The following PATL2 variants were observed in gnomAD, a reference collection of about 807,000 sequenced individuals.
PATL2 encodes the protein protein PAT1 homolog 2.
In PATL2, 73 loss-of-function variants were observed where a neutral mutation model predicts 77.0. The observed-to-expected ratio is 0.95, with a 90% CI of 0.78 to 1.15. PATL2 has a LOEUF of 1.15. Among genes scored for constraint, PATL2 ranks in the 50% most tolerant of loss-of-function variants. The probability of loss-of-function intolerance (pLI) is 0.00; values close to 1 mark genes in which losing one functional copy is unlikely to be tolerated. For synonymous variants in PATL2, 265 were observed against 257.1 expected (o/e 1.03, Z -0.29); for missense variants, 618 against 655.4 (o/e 0.94, Z 0.62).
intron 3 of PATL2, among the ~76,000 whole-genome samples, chr15:44,687,896 AAG>A (rs1456852539): frequency 1.3e-5 from 2 of 152,204 alleles, no homozygotes; most frequent in African/African-American, 4.8e-5. Context: ...TCAAGGAAAT[AAG>A]AGAGGACACA....
chr15:44,698,550 T>C (rs2086560768), intron 3 of PATL2, among the ~76,000 whole-genome samples: 1 of 152,090 alleles, frequency 6.6e-6, no homozygotes, highest in Admixed American at 6.6e-5. Flanking sequence ...TCCATATTGC[T>C]GCAAATGACA....
intron 5 of PATL2, 40 bp from the exon 6 acceptor site, chr15:44,674,270 C>T (rs2085839780): frequency 7.1e-7 from 1 of 1,415,278 alleles, no homozygotes; most frequent in Non-Finnish European, 9.7e-7. Flanking sequence ...CAAATGGGCC[C>T]CTGTAGTGTC....
At chr15:44,676,886 T>C (rs2141216243) in intron 3 of PATL2, 1 of 1,075,416 alleles carries the variant, frequency 9.3e-7, no homozygotes, top group Non-Finnish European at 1.1e-6. Flanking sequence ...TTGCTGTCCT[T>C]TCTGTTTAAG....
At position 44,674,238 on chromosome 15, in the gene PATL2, A is replaced by G. The variant is rs1347423267; in HGVS notation, c.223-8T>C. On this transcript the variant is annotated splice_region_variant and splice_polypyrimidine_tract_variant and intron_variant, in intron 5 of 17. Coordinates refer to ENST00000682850, the MANE Select transcript of PATL2 (RefSeq NM_001387263.1). ...GGAGCTAAGCAGAGCTCTCTGGAAC[A>G]GGAGGGAGGAAAAACCAGGCTCAAA... 1 of 1,535,368 alleles carries G rather than the reference A, an allele frequency of 6.5e-7. No homozygotes were observed. The highest frequency in any genetic ancestry group is 2.5e-5 in the East Asian group (1 of 40,672).
chr15:44,693,324 C>CT (rs1164732049), intron 3 of PATL2, among the ~76,000 whole-genome samples: 5 of 152,206 alleles, frequency 3.3e-5, no homozygotes, highest in Non-Finnish European at 7.3e-5. Context: ...AGAAGCACTC[C>CT]TTTCTGGAGA....
chr15:44,694,187 T>C (rs2086455481), intron 3 of PATL2, among the ~76,000 whole-genome samples: 1 of 152,230 alleles, frequency 6.6e-6, no homozygotes, highest in African/African-American at 2.4e-5. Context: ...CTGCCTGTCA[T>C]GGCCTGGCTT....
intron 9 of PATL2, 21 bp downstream of exon 9, chr15:44,671,994 G>A (rs940840836): frequency 9.0e-6 from 14 of 1,551,306 alleles, no homozygotes; most frequent in Non-Finnish European, 1.2e-5. Context: ...CAGAGGCTGG[G>A]CTGAGTACTG....
In PATL2 at chr15:44,703,015, C is replaced by T. The variant is rs549377806; in HGVS notation, c.-76+7081G>A. ...ATCTGGCCAGGCACGGTGGCTCATG[C>T]CTGTAACTCCAGCACTTTGGGAGGC... On this transcript the variant is annotated intron_variant, in intron 3 of 17. Coordinates refer to ENST00000682850, the MANE Select transcript of PATL2 (RefSeq NM_001387263.1). 2.0e-5 allele frequency among the ~76,000 whole-genome samples: 3 copies of T among 152,184 alleles called. No individual in the cohort carries two copies. In the East Asian group the frequency reaches 5.8e-4, roughly 29 times the overall value.
At position 44,673,339 on chromosome 15, in the gene PATL2, T is replaced by G. The variant is rs772243895; in HGVS notation, c.342A>C (p.Thr114=). Residue 114 remains threonine (T), a synonymous_variant, in exon 7 of 18, where the codon ACA becomes ACC. Transcript: ENST00000682850. ...DYLSPIPFWP[T]FPSTSSPAQH... is the part of the protein sequence containing the mutation. ...GTGCTGGAGAGCTGGTGCTGGGAAA[T>G]GTAGGCCAGAAAGGGATGGGCGACA... The G allele has an allele frequency of 1.9e-6, 3 of 1,551,402 alleles. No individual in the cohort carries two copies. The highest frequency in any genetic ancestry group is 1.7e-4 in the Middle Eastern group (1 of 6,014).
chr15:44,676,821 C>T (rs2085982565), intron 3 of PATL2: 1 of 1,147,028 alleles, frequency 8.7e-7, no homozygotes, highest in Non-Finnish European at 1.1e-6. Context: ...ACCGACATCA[C>T]CAGTCACCGT....
Position 44,668,275 on chromosome 15 carries a change from A to G in PATL2, c.1365+67T>C, listed in dbSNP as rs995765394. ...TGTGTAGAGATGAGACTGTCCCCCA[A>G]CTTACCCCTTATCAGTGATACCAAC... On this transcript the variant is annotated intron_variant, in intron 15 of 17. Transcript: ENST00000682850. 4 of 1,489,778 alleles carry G rather than the reference A, an allele frequency of 2.7e-6. No homozygotes were observed. The African/African-American group carries it at 5.6e-5, about 21-fold the overall frequency. The allele number at this position is 1,489,778 out of a possible 1,614,324, so 92.3% of individuals were successfully genotyped here. A position where few individuals can be genotyped will look rare whatever the true frequency, so the allele number is the denominator to read the frequency against.
In PATL2 at chr15:44,673,227, A is replaced by C. The variant is rs1159754270; in HGVS notation, c.446+8T>G. ...CTGAGACCTCTGGGGAGAACCTCAA[A>C]CCAGTACCTGAACCTAGGGGGCCAC... is the stretch of plus-strand genomic sequence containing the variant. On this transcript the variant is annotated splice_region_variant and intron_variant, in intron 7 of 17. Coordinates refer to ENST00000682850, the MANE Select transcript of PATL2 (RefSeq NM_001387263.1). The C allele has an allele frequency of 1.9e-6, 3 of 1,550,866 alleles. No homozygotes were observed. In the South Asian group the frequency reaches 3.6e-5, roughly 18 times the overall value.
intron 3 of PATL2, among the ~76,000 whole-genome samples, chr15:44,679,521 C>A (rs759119045): frequency 6.7e-6 from 1 of 150,222 alleles, no homozygotes; most frequent in African/African-American, 2.4e-5. Flanking sequence ...AGCCACCGTG[C>A]CTGGCCAATT....
intron 3 of PATL2, among the ~76,000 whole-genome samples, chr15:44,704,939 G>A (rs1246123442): frequency 6.6e-6 from 1 of 152,028 alleles, no homozygotes; most frequent in African/African-American, 2.4e-5. Flanking sequence ...GAGCTCCATG[G>A]TATGTTATTT....
chr15:44,668,980 C>G lies in PATL2; in HGVS notation c.1224G>C (p.Gln408His). ...PLLVRRDVAD[Q>H]ALQMLFKPLG... is the part of the protein sequence containing the mutation. The stretch of plus-strand genomic sequence containing the variant: ...TCTTCTCCACTCAATGCCACAGTAC[C>G]TGATCAGCCACATCCCTCCGGACCA... The change falls in exon 14 of 18, where the codon CAG becomes CAC. Residue 408 changes from glutamine (Q) to histidine (H), a missense_variant and splice_region_variant. Coordinates refer to ENST00000682850, the MANE Select transcript of PATL2 (RefSeq NM_001387263.1). The G allele has an allele frequency of 6.5e-7, 1 of 1,539,114 alleles. No individual in the cohort carries two copies.
chr15:44,703,260 A>G (rs929003268), intron 3 of PATL2, among the ~76,000 whole-genome samples: 2 of 152,108 alleles, frequency 1.3e-5, no homozygotes, highest in African/African-American at 4.8e-5. Flanking sequence ...TGGGCAACAG[A>G]GCAAGACTGC....
intron 5 of PATL2, 200 bp downstream of exon 5, chr15:44,675,286 A>G (rs541819410): frequency 1.6e-6 from 1 of 630,492 alleles, no homozygotes; most frequent in East Asian, 2.9e-5. Context: ...TAAGGCGAGA[A>G]CAGCATCAGA....
intron 14 of PATL2, 102 bp from the exon 15 acceptor site, chr15:44,668,584 T>G (rs1168102588): frequency 7.1e-7 from 1 of 1,413,430 alleles, no homozygotes; most frequent in Non-Finnish European, 9.5e-7. Flanking sequence ...CTTTGGCACG[T>G]CCTGGTGAGG....
At chr15:44,684,853 T>G (rs2086218542) in intron 3 of PATL2, among the ~76,000 whole-genome samples, 1 of 152,154 alleles carries the variant, frequency 6.6e-6, no homozygotes, top group Non-Finnish European at 1.5e-5. Flanking sequence ...GAGAGAAAGG[T>G]TGGGTTACCC....
Sources: gnomAD v4.1 joint callset for allele counts (sites outside exome capture counted in the v4.1 genomes callset) on GRCh38, gnomAD v4.1.1 for gene constraint, MANE v1.5 for transcripts, NCBI Gene and HGNC (gene_info 2026-07-23, HGNC 2026-07-21) for gene names.